SLC11A2: variants seen among roughly 807,000 people sequenced by gnomAD.
SLC11A2 encodes natural resistance-associated macrophage protein 2.
Under a neutral mutation model 68.0 loss-of-function variants are expected in SLC11A2, and 38 were observed. The ratio of observed to expected loss-of-function variants is 0.56; its 90% CI spans 0.43 to 0.73. The LOEUF (loss-of-function observed/expected upper bound fraction) is 0.73, where lower values mean the gene tolerates loss of function less well. SLC11A2 is among the 30% of genes least tolerant of loss of function. SLC11A2 has a pLI of 0.00. For missense variants in SLC11A2, 517 were observed against 690.5 expected, an observed-to-expected ratio of 0.75 and a Z score of 2.82; for synonymous variants, 242 against 250.6, an observed-to-expected ratio of 0.97 and a Z score of 0.32.
In SLC11A2 at chr12:50,988,034, A is replaced by C; in HGVS notation, c.*291T>G. 1 of 1,376,012 alleles carries C rather than the reference A, an allele frequency of 7.3e-7. No homozygotes were observed. The highest frequency in any genetic ancestry group is 9.6e-7 in the Non-Finnish European group (1 of 1,046,772). The allele number at this position is 1,376,012 out of a possible 1,614,324, so 85.2% of individuals were successfully genotyped here. A position where few individuals can be genotyped will look rare whatever the true frequency, so the allele number is the denominator to read the frequency against. On this transcript the variant is annotated 3_prime_UTR_variant, in exon 16 of 16. Coordinates refer to ENST00000262052, the MANE Select transcript of SLC11A2 (RefSeq NM_000617.3). Reference sequence around the variant, plus strand: ...ATCATGCATATCCTTGTCTCTCCGAAGGATAAACTGAGCTGGCCCTTGGGC... The same window carrying C: ...ATCATGCATATCCTTGTCTCTCCGACGGATAAACTGAGCTGGCCCTTGGGC...
chr12:50,974,075 A>T, the SLC11A2 span, among the ~76,000 whole-genome samples: 6 of 152,220 alleles, frequency 3.9e-5, no homozygotes, highest in Admixed American at 2.0e-4. Flanking sequence ...GCAGGATATT[A>T]TCCAGGAGAA....
At chr12:50,996,413 A>G (rs1274381421) in intron 9 of SLC11A2, among the ~76,000 whole-genome samples, 2 of 152,066 alleles carry the variant, frequency 1.3e-5, no homozygotes, top group African/African-American at 2.4e-5. Context: ...CATCTCTACT[A>G]AAAATAGAAA....
chr12:50,968,219 C>T, the SLC11A2 span, among the ~76,000 whole-genome samples: 1 of 152,094 alleles, frequency 6.6e-6, no homozygotes, highest in Admixed American at 6.6e-5. Context: ...GAAGCTGTTG[C>T]TTATGTTTCT....
chr12:50,995,370 C>T (rs1941604775), intron 10 of SLC11A2, among the ~76,000 whole-genome samples: 1 of 152,144 alleles, frequency 6.6e-6, no homozygotes, highest in African/African-American at 2.4e-5. Context: ...AATGACAAGA[C>T]AAAGTCTGTC....
chr12:51,014,963 C>T (rs1427550773), intron 1 of SLC11A2, among the ~76,000 whole-genome samples: 1 of 151,696 alleles, frequency 6.6e-6, no homozygotes, highest in Non-Finnish European at 1.5e-5. Flanking sequence ...GAGTTCGAGA[C>T]CAGCCTGGCC....
intron 15 of SLC11A2, 102 bp from the exon 16 acceptor site, chr12:50,988,537 C>T: frequency 1.9e-6 from 3 of 1,549,838 alleles, no homozygotes; most frequent in Non-Finnish European, 2.6e-6. Flanking sequence ...CCTTGAACAT[C>T]CAGCTGTGCC....
the SLC11A2 span, among the ~76,000 whole-genome samples, chr12:50,971,103 C>T: frequency 6.6e-6 from 1 of 152,290 alleles, no homozygotes; most frequent in East Asian, 1.9e-4. Flanking sequence ...TGGTCTCGAA[C>T]TCCTGACCTC....
chr12:51,019,023 A>G lies in SLC11A2; in HGVS notation c.-39+7287T>C, dbSNP rs138565314. 1.3e-3 allele frequency among the ~76,000 whole-genome samples: 199 copies of G among 152,308 alleles called. 7 individuals carry two copies. In the East Asian group the frequency reaches 0.035, roughly 27 times the overall value. On this transcript the variant is annotated intron_variant, in intron 1 of 15. Coordinates refer to ENST00000262052, the MANE Select transcript of SLC11A2 (RefSeq NM_000617.3). ...TTAAATAGGAAAAAACTTTCATAGA[A>G]GCAGCCAGAAAGGTGTCTTCATGGA...
chr12:51,022,019 G>A (rs562796067), intron 1 of SLC11A2, among the ~76,000 whole-genome samples: 1 of 152,100 alleles, frequency 6.6e-6, no homozygotes, highest in Non-Finnish European at 1.5e-5. Flanking sequence ...CACTCTTGAG[G>A]CTTAACCAGC....
rs1941757155 is a variant in SLC11A2, at chr12:50,996,970, A to G, written c.678T>C (p.Tyr226=). Residue 226 remains tyrosine, a splice_region_variant and synonymous_variant, in exon 9 of 16, where the codon TAT becomes TAC. Transcript: ENST00000262052. ...TIMALTFGYE[Y]VTVKPSQSQV... ...GGCTCTGGCTGGGTTTCACTGTAAC[A>G]TACTACATACCAACATAACAATGAT... 3.1e-6 allele frequency: 5 copies of G among 1,613,622 alleles called. No individual in the cohort carries two copies. The highest frequency in any genetic ancestry group is 1.3e-5 in the African/African-American group (1 of 74,916).
In SLC11A2 at chr12:50,987,954, A is replaced by G; in HGVS notation, c.*371T>C. ...TGCATACTCATTCTGTAGTTTGTAT[A>G]ATAAAAAATGTATTGCATTTTCCAA... On this transcript the variant is annotated 3_prime_UTR_variant, in exon 16 of 16. Coordinates refer to ENST00000262052, the MANE Select transcript of SLC11A2 (RefSeq NM_000617.3). 1 of 1,287,298 alleles carries G rather than the reference A, an allele frequency of 7.8e-7. No individual in the cohort carries two copies. Among genetic ancestry groups the G allele is most frequent in the Non-Finnish European group, 1.0e-6 (1 of 988,414 alleles). The allele number at this position is 1,287,298 out of a possible 1,614,324, so 79.7% of individuals were successfully genotyped here.
At chr12:50,954,602 T>C in the SLC11A2 span, among the ~76,000 whole-genome samples, 2 of 152,158 alleles carry the variant, frequency 1.3e-5, no homozygotes, top group East Asian at 1.9e-4. Context: ...GGCTCATGCC[T>C]GTAATCCCAG....
At chr12:50,973,242 A>C in the SLC11A2 span, among the ~76,000 whole-genome samples, 1 of 152,164 alleles carries the variant, frequency 6.6e-6, no homozygotes, top group Admixed American at 6.5e-5. Context: ...GGCACCCCCC[A>C]GTAGGGGCAG....
Position 50,987,206 on chromosome 12 carries a change from T to C in SLC11A2, c.*1119A>G. 3 of 1,287,048 alleles carry C rather than the reference T, an allele frequency of 2.3e-6. No individual in the cohort carries two copies. The highest frequency in any genetic ancestry group is 3.0e-6 in the Non-Finnish European group (3 of 988,568). The allele number at this position is 1,287,048 out of a possible 1,614,324, so 79.7% of individuals were successfully genotyped here. ...AAACAGCTGTAGAGAGGTAGCCCAG[T>C]TCAACTTTGCTGAGACAGTGAACTT... On this transcript the variant is annotated 3_prime_UTR_variant, in exon 16 of 16. Coordinates refer to ENST00000262052, the MANE Select transcript of SLC11A2 (RefSeq NM_000617.3).
intron 1 of SLC11A2, chr12:51,025,859 G>A (rs1054453973): frequency 3.9e-5 from 39 of 987,974 alleles, no homozygotes; most frequent in Non-Finnish European, 4.4e-5. Flanking sequence ...TTGTTGAAGC[G>A]GGGCGGCGGG....
chr12:51,028,378 G>A (rs944319647), upstream of SLC11A2: 1 of 544,424 alleles, frequency 1.8e-6, no homozygotes, highest in African/African-American at 1.9e-5. Flanking sequence ...GGCAAACCAC[G>A]CCCTCCAAAG....
At chr12:51,005,214 G>T (rs1942616574) in intron 4 of SLC11A2, 97 bp downstream of exon 4, 2 of 1,311,494 alleles carry the variant, frequency 1.5e-6, no homozygotes, top group Non-Finnish European at 2.2e-6. Flanking sequence ...GTATCTGCAT[G>T]TAGCCCCTGA....
the SLC11A2 span, among the ~76,000 whole-genome samples, chr12:50,957,904 A>C: frequency 1.3e-5 from 2 of 149,784 alleles, no homozygotes; most frequent in African/African-American, 4.9e-5. Flanking sequence ...AAACAAAACA[A>C]AAATGGAGAG....
downstream of SLC11A2, among the ~76,000 whole-genome samples, chr12:50,976,622 A>G (rs887623201): frequency 6.6e-6 from 1 of 152,218 alleles, no homozygotes; most frequent in African/African-American, 2.4e-5. Flanking sequence ...CTCCTATTCA[A>G]CACAGTGTTG....
Sources: gnomAD v4.1 joint callset for allele counts (sites outside exome capture counted in the v4.1 genomes callset) on GRCh38, gnomAD v4.1.1 for gene constraint, MANE v1.5 for transcripts, NCBI Gene and HGNC (gene_info 2026-07-23, HGNC 2026-07-21) for gene names.